RBFOX3: variants seen among roughly 807,000 people sequenced by gnomAD.
The protein encoded by RBFOX3 is RNA binding fox-1 homolog 3, also known as RNA binding protein fox-1 homolog 3.
RBFOX3 carries 17 observed loss-of-function variants against 48.7 expected under a neutral mutation model. The observed-to-expected ratio is 0.35, with a 90% CI of 0.24 to 0.52. The LOEUF (loss-of-function observed/expected upper bound fraction) is 0.52, where lower values mean the gene tolerates loss of function less well. Ranked by LOEUF, RBFOX3 falls within the 20% of genes least tolerant of loss-of-function variation. The probability of loss-of-function intolerance (pLI) is 0.94; values close to 1 mark genes in which losing one functional copy is unlikely to be tolerated. For synonymous variants in RBFOX3, 212 were observed against 209.5 expected, an observed-to-expected ratio of 1.01 and a Z score of -0.10; for missense variants, 382 against 497.5, an observed-to-expected ratio of 0.77 and a Z score of 2.21.
chr17:79,614,597 CAGGG>C (rs1477075691), upstream of RBFOX3, among the ~76,000 whole-genome samples: 3 of 152,152 alleles, frequency 2.0e-5, no homozygotes, highest in African/African-American at 7.2e-5. Flanking sequence ...AGATATTAGG[CAGGG>C]AGGAGAAAAC....
intron 4 of RBFOX3, among the ~76,000 whole-genome samples, chr17:79,155,838 C>T (rs1599716312): frequency 6.6e-6 from 1 of 152,192 alleles, no homozygotes; most frequent in African/African-American, 2.4e-5. Context: ...CACTCCCCTC[C>T]CGATGGTGGC....
intron 1 of RBFOX3, among the ~76,000 whole-genome samples, chr17:79,543,371 G>A (rs1555790905): frequency 6.6e-6 from 1 of 152,120 alleles, no homozygotes; most frequent in Non-Finnish European, 1.5e-5. Context: ...GCCCAGAATT[G>A]CATCAGTGGT....
chr17:79,135,767 C>A lies in RBFOX3; in HGVS notation c.-33-20019G>T, dbSNP rs1468824278. Among the ~76,000 whole-genome samples the A allele has an allele frequency of 2.0e-5, 3 of 152,332 alleles. No homozygotes were observed. The East Asian group carries it at 5.8e-4, about 29-fold the overall frequency. On this transcript the variant is annotated intron_variant, in intron 4 of 14. Coordinates refer to ENST00000693108, the MANE Select transcript of RBFOX3 (RefSeq NM_001350451.2). Reference sequence around the variant, plus strand: ...CCTGGCATCCCAGGGCTCCCTGCCCCCTCTGCTGTGGCTAAGACAGCAGCC... The same window carrying A: ...CCTGGCATCCCAGGGCTCCCTGCCCACTCTGCTGTGGCTAAGACAGCAGCC...
At position 79,116,457 on chromosome 17, in the gene RBFOX3, G is replaced by A. The variant is rs149456782; in HGVS notation, c.-33-709C>T. The stretch of plus-strand genomic sequence containing the variant: ...TTCAACCTGGGAGGCAGGGGTTGCA[G>A]CGAGCCAAAATCGCACTATTGCGCT... On this transcript the variant is annotated intron_variant, in intron 4 of 14. Transcript: ENST00000693108. Among the ~76,000 whole-genome samples, 577 of 152,352 alleles carry A rather than the reference G, an allele frequency of 3.8e-3. 8 individuals are homozygous for A. Among genetic ancestry groups the A allele is most frequent in the African/African-American group, 0.013 (551 of 41,566 alleles).
At chr17:79,422,553 C>T (rs1271946887) in intron 2 of RBFOX3, among the ~76,000 whole-genome samples, 4 of 152,214 alleles carry the variant, frequency 2.6e-5, no homozygotes, top group African/African-American at 7.2e-5. Context: ...TTGCGGAAGC[C>T]GCCAGGCAGA....
At chr17:79,293,569 C>G (rs2073820784) in intron 3 of RBFOX3, among the ~76,000 whole-genome samples, 1 of 152,012 alleles carries the variant, frequency 6.6e-6, no homozygotes, top group Non-Finnish European at 1.5e-5. Context: ...TCTCCTGCCT[C>G]AGCCTCCTGA....
intron 4 of RBFOX3, among the ~76,000 whole-genome samples, chr17:79,153,532 C>T (rs1410629535): frequency 2.6e-5 from 4 of 152,114 alleles, no homozygotes; most frequent in Non-Finnish European, 5.9e-5. Context: ...CCAGGGTGGG[C>T]CAGGCTTCCC....
At position 79,138,221 on chromosome 17, in the gene RBFOX3, C is replaced by T. The variant is rs960687563; in HGVS notation, c.-33-22473G>A. ...TGCCTGCACACTCACTGCACACATCCGTGTGCAACACGCACACTCAGACCG... is the reference window on the plus strand; with the variant it reads ...TGCCTGCACACTCACTGCACACATCTGTGTGCAACACGCACACTCAGACCG... On this transcript the variant is annotated intron_variant, in intron 4 of 14. Transcript: ENST00000693108. 2.0e-5 allele frequency among the ~76,000 whole-genome samples: 3 copies of T among 152,182 alleles called. No individual in the cohort carries two copies. In the East Asian group the frequency reaches 5.8e-4, roughly 29 times the overall value.
intron 2 of RBFOX3, among the ~76,000 whole-genome samples, chr17:79,314,453 C>T (rs900208473): frequency 8.5e-5 from 13 of 152,102 alleles, no homozygotes; most frequent in African/African-American, 2.9e-4. Context: ...CAGATGGCCT[C>T]GCAGGACCTG....
chr17:79,439,870 T>C (rs965416294), intron 2 of RBFOX3, among the ~76,000 whole-genome samples: 2 of 152,234 alleles, frequency 1.3e-5, no homozygotes, highest in Admixed American at 1.3e-4. Context: ...CTCTACTCTC[T>C]GGTGACCCTG....
intron 4 of RBFOX3, among the ~76,000 whole-genome samples, chr17:79,202,174 C>T (rs1250164354): frequency 6.6e-6 from 1 of 152,088 alleles, no homozygotes; most frequent in Admixed American, 6.5e-5. Flanking sequence ...GAAGACACCC[C>T]GGGGTGTGGT....
intron 6 of RBFOX3, among the ~76,000 whole-genome samples, chr17:79,106,156 A>G (rs2077322794): frequency 6.6e-6 from 1 of 151,236 alleles, no homozygotes; most frequent in Non-Finnish European, 1.5e-5. Context: ...AGGCCCGGAG[A>G]GGTTGACTGC....
At chr17:79,432,009 T>C (rs2068549291) in intron 2 of RBFOX3, among the ~76,000 whole-genome samples, 2 of 152,238 alleles carry the variant, frequency 1.3e-5, no homozygotes, top group African/African-American at 4.8e-5. Flanking sequence ...TCTCTATGAA[T>C]GTAACCATTC....
At chr17:79,091,211 G>A (rs1473575593) in intron 14 of RBFOX3, among the ~76,000 whole-genome samples, 1 of 152,188 alleles carries the variant, frequency 6.6e-6, no homozygotes, top group Non-Finnish European at 1.5e-5. Flanking sequence ...GTCTGGCCAC[G>A]GGAGGTGGGG....
At chr17:79,654,049 C>T in the RBFOX3 span, among the ~76,000 whole-genome samples, 2 of 151,114 alleles carry the variant, frequency 1.3e-5, no homozygotes, top group South Asian at 2.1e-4. Context: ...TTCATCTCCA[C>T]AAAGTAGGTT....
At chr17:79,429,570 T>G (rs1230205467) in intron 2 of RBFOX3, among the ~76,000 whole-genome samples, 1 of 152,044 alleles carries the variant, frequency 6.6e-6, no homozygotes, top group African/African-American at 2.4e-5. Context: ...GCCAGCTGCC[T>G]GCAGCTGCCG....
chr17:79,497,844 G>C (rs2149689973), intron 1 of RBFOX3, among the ~76,000 whole-genome samples: 1 of 152,350 alleles, frequency 6.6e-6, no homozygotes, highest in Non-Finnish European at 1.5e-5. Context: ...AAAGCTTAGA[G>C]TCTGCCCAAG....
intron 9 of RBFOX3, among the ~76,000 whole-genome samples, chr17:79,100,779 T>C (rs2076286694): frequency 6.6e-6 from 1 of 152,092 alleles, no homozygotes; most frequent in East Asian, 1.9e-4. Flanking sequence ...CCGGATGGAG[T>C]TAAGACTCGC....
At position 79,111,733 on chromosome 17, in the gene RBFOX3, C is replaced by G. The variant is rs1042033166; in HGVS notation, c.222+3761G>C. On this transcript the variant is annotated intron_variant, in intron 5 of 14. Transcript: ENST00000693108. The surrounding 1 kb of genome is among the most constrained non-coding windows in gnomAD (Gnocchi z 4.2). ...CAGGCGTGAGCCAACATGCCCGGCCCGTTAGCAAGCTGAGGGTCCCTTGAG... is the reference window on the plus strand; with the variant it reads ...CAGGCGTGAGCCAACATGCCCGGCCGGTTAGCAAGCTGAGGGTCCCTTGAG... Among the ~76,000 whole-genome samples, 1 of 152,222 alleles carries G rather than the reference C, an allele frequency of 6.6e-6. No individual in the cohort carries two copies. The highest frequency in any genetic ancestry group is 1.5e-5 in the Non-Finnish European group (1 of 68,044).
Sources: allele counts gnomAD v4.1 joint callset (sites outside exome capture counted in the v4.1 genomes callset), GRCh38; gene constraint gnomAD v4.1.1; non-coding constraint Gnocchi (gnomAD v3.1); transcripts MANE v1.5; gene names NCBI Gene and HGNC (gene_info 2026-07-23, HGNC 2026-07-21).